CPS1: variants seen among roughly 807,000 people sequenced by gnomAD.
CPS1 encodes the protein carbamoyl-phosphate synthase [ammonia], mitochondrial.
Under a neutral mutation model 174.6 loss-of-function variants are expected in CPS1, and 109 were observed. The ratio of observed to expected loss-of-function variants is 0.62; its 90% confidence interval spans 0.53 to 0.73. The LOEUF is 0.73. Among genes scored for constraint, CPS1 ranks in the 30% least tolerant of loss-of-function variants. The pLI, the probability that CPS1 is intolerant of heterozygous loss-of-function variation, is 0.00. For synonymous variants in CPS1, 637 were observed against 632.0 expected (o/e 1.01, Z -0.12); for missense variants, 1,689 against 1,821.9 (o/e 0.93, Z 1.33).
At chr2:210,493,139 A>G (rs956906007) in intron 1 of CPS1, among the ~76,000 whole-genome samples, 2 of 152,178 alleles carry the variant, frequency 1.3e-5, no homozygotes, top group African/African-American at 4.8e-5. Context: ...TTGCTTTTCA[A>G]TTCAAGTTTA....
chr2:210,500,902 A>G (rs747998544), intron 1 of CPS1, among the ~76,000 whole-genome samples: 1 of 152,184 alleles, frequency 6.6e-6, no homozygotes, highest in Non-Finnish European at 1.5e-5. Context: ...AGGGTTCTCC[A>G]TGAGGGCTCT....
chr2:210,640,094 C>T (rs1372143977), intron 24 of CPS1, 35 bp downstream of exon 24: 3 of 1,271,296 alleles, frequency 2.4e-6, no homozygotes, highest in East Asian at 2.3e-5. Flanking sequence ...TAGGACTTTA[C>T]ACAATTTATA....
chr2:210,556,310 A>T, upstream of CPS1: 1 of 457,576 alleles, frequency 2.2e-6, no homozygotes, highest in Non-Finnish European at 4.4e-6. Context: ...ATCACATGTG[A>T]CATAAGCAAA....
intron 1 of CPS1, among the ~76,000 whole-genome samples, chr2:210,539,483 G>A (rs1696345231): frequency 3.9e-5 from 6 of 152,074 alleles, no homozygotes; most frequent in Non-Finnish European, 5.9e-5. Context: ...GGTAAGTTTT[G>A]TCTTGAGTCC....
At position 210,656,698 on chromosome 2, in the gene CPS1, T is replaced by C. The variant is rs114543766; in HGVS notation, c.3666+66T>C. ...CTCAGAAAAAAACACCTAAGGTTTT[T>C]TTTTTTTTTTTAAAGCTAGGTAGCA... On this transcript the variant is annotated intron_variant, in intron 30 of 37. Coordinates refer to ENST00000233072, the MANE Select transcript of CPS1 (RefSeq NM_001875.5). 0.018 allele frequency: 22,091 copies of C among 1,196,504 alleles called. 209 individuals are homozygous for C. Among genetic ancestry groups the C allele is most frequent in the Admixed American group, 0.044 (2,278 of 51,452 alleles). 74.1% of individuals were successfully genotyped at this position (1,196,504 alleles called of 1,614,324 possible).
intron 1 of CPS1, among the ~76,000 whole-genome samples, chr2:210,531,903 A>G (rs1456174721): frequency 3.3e-5 from 5 of 151,986 alleles, no homozygotes; most frequent in Non-Finnish European, 7.4e-5. Flanking sequence ...TTTTTCTATT[A>G]TTTGTTGGGA....
chr2:210,493,422 A>G (rs1490501412), intron 1 of CPS1, among the ~76,000 whole-genome samples: 2 of 152,238 alleles, frequency 1.3e-5, no homozygotes, highest in Non-Finnish European at 2.9e-5. Flanking sequence ...TTTCTGCATC[A>G]TCTTCCTCCA....
intron 5 of CPS1, among the ~76,000 whole-genome samples, chr2:210,580,797 G>A (rs1374658710): frequency 6.6e-6 from 1 of 150,544 alleles, no homozygotes; most frequent in Admixed American, 6.6e-5. Flanking sequence ...GGAGGCGGAG[G>A]TTGCAGTGAG....
chr2:210,556,605 C>T lies in CPS1; in HGVS notation c.-129C>T, dbSNP rs780169080. On this transcript the variant is annotated 5_prime_UTR_variant, in exon 1 of 38. Transcript: ENST00000233072. ...GCAGAATGAATGGAAATTCAAAGAT[C>T]GCTGTGCAGTCAGCCTTAAACACTG... is the stretch of plus-strand genomic sequence containing the variant. 223 of 1,502,500 alleles carry T rather than the reference C, an allele frequency of 1.5e-4. No homozygotes were observed. The highest frequency in any genetic ancestry group is 1.9e-4 in the Non-Finnish European group (218 of 1,126,668). 93.1% of individuals were successfully genotyped at this position (1,502,500 alleles called of 1,614,324 possible). A position where few individuals can be genotyped will look rare whatever the true frequency, so the allele number is the denominator to read the frequency against.
chr2:210,539,823 T>C (rs1469756936), intron 1 of CPS1, among the ~76,000 whole-genome samples: 1 of 152,152 alleles, frequency 6.6e-6, no homozygotes, highest in Non-Finnish European at 1.5e-5. Context: ...TTCTTAATTC[T>C]TCCTGTACTC....
chr2:210,592,743 C>T (rs1698349807), intron 10 of CPS1, 136 bp from the exon 11 acceptor site: 1 of 775,658 alleles, frequency 1.3e-6, no homozygotes. Flanking sequence ...CTTAATAGTA[C>T]TGTTAGTTAC....
intron 34 of CPS1, chr2:210,674,655 A>C: frequency 1.9e-6 from 1 of 532,554 alleles, no homozygotes. Context: ...AATAGAGAAT[A>C]AAAGGAGATA....
chr2:210,629,606 C>T (rs998880608), intron 21 of CPS1, among the ~76,000 whole-genome samples: 9 of 151,676 alleles, frequency 5.9e-5, no homozygotes, highest in Non-Finnish European at 1.0e-4. Flanking sequence ...TGAGCCACCG[C>T]GCCCAGCCAG....
At position 210,478,920 on chromosome 2, in the gene CPS1, TC is replaced by T. The variant is rs1159216259; in HGVS notation, c.3+1160del. Among the ~76,000 whole-genome samples the T allele has an allele frequency of 5.3e-3, 57 of 10,802 alleles. 1 individual carries two copies. The East Asian group carries it at 0.28, about 53-fold the overall frequency. The allele number at this position is 10,802 out of a possible 152,430, so 7.1% of individuals were successfully genotyped here. A position where few individuals can be genotyped will look rare whatever the true frequency, so the allele number is the denominator to read the frequency against. ...CCCTCCCTCCCTCCCTCCTCCCCCC[TC>T]CCCCCTTCCCCCCTCCCTTCCCTCC... On this transcript the variant is annotated intron_variant, in intron 1 of 38. Transcript: ENST00000430249.
intron 1 of CPS1, among the ~76,000 whole-genome samples, chr2:210,493,531 A>G (rs1166220672): frequency 6.6e-6 from 1 of 152,218 alleles, no homozygotes; most frequent in Non-Finnish European, 1.5e-5. Flanking sequence ...TTAAGTATAT[A>G]TATTTACATA....
chr2:210,485,468 A>G (rs1694690676), intron 1 of CPS1, among the ~76,000 whole-genome samples: 1 of 152,072 alleles, frequency 6.6e-6, no homozygotes. Flanking sequence ...ATGGACAATC[A>G]CTGATCTGCT....
At chr2:210,541,340 A>G (rs370050972) in intron 1 of CPS1, among the ~76,000 whole-genome samples, 62 of 152,252 alleles carry the variant, frequency 4.1e-4, no homozygotes, top group South Asian at 6.2e-4. Flanking sequence ...TGAAATGCAT[A>G]TAATGTAGCT....
At chr2:210,502,355 A>ATCTC (rs1553719322) in intron 1 of CPS1, among the ~76,000 whole-genome samples, 8 of 116,932 alleles carry the variant, frequency 6.8e-5, no homozygotes, top group Non-Finnish European at 1.2e-4. Flanking sequence ...GGAAAAAATA[A>ATCTC]TCTCTCTCTC....
chr2:210,565,958 T>C (rs1362668925), intron 1 of CPS1, among the ~76,000 whole-genome samples: 1 of 152,188 alleles, frequency 6.6e-6, no homozygotes, highest in Non-Finnish European at 1.5e-5. Flanking sequence ...GAAGTAGAAC[T>C]GGACAGAGAA....
Sources: allele counts gnomAD v4.1 joint callset (sites outside exome capture counted in the v4.1 genomes callset), GRCh38; gene constraint gnomAD v4.1.1; transcripts MANE v1.5; gene names NCBI Gene and HGNC (gene_info 2026-07-23, HGNC 2026-07-21).